FSTL5: variants seen among roughly 807,000 people sequenced by gnomAD.
FSTL5 encodes follistatin-related protein 5.
FSTL5 carries 62 observed loss-of-function variants against 89.1 expected under a neutral mutation model. The ratio of observed to expected loss-of-function variants is 0.70; its 90% confidence interval spans 0.57 to 0.86. The LOEUF (loss-of-function observed/expected upper bound fraction) is 0.86, where lower values mean the gene tolerates loss of function less well. Among genes scored for constraint, FSTL5 ranks in the 40% least tolerant of loss-of-function variants. The pLI, the probability that FSTL5 is intolerant of heterozygous loss-of-function variation, is 0.00. For missense variants in FSTL5, 1,057 were observed against 1,001.6 expected (o/e 1.06, Z -0.75); for synonymous variants, 383 against 346.2 (o/e 1.11, Z -1.18).
Position 161,696,679 on chromosome 4 carries a change from A to G in FSTL5, c.728-40185T>C, listed in dbSNP as rs1472028360. On this transcript the variant is annotated intron_variant, in intron 6 of 15. Transcript: ENST00000306100. Reference sequence around the variant, plus strand: ...AGGTCTTTCTCCTCCTTGGTTAGGTATATTCCTAAATACTTTATATTTTTT... The same window carrying G: ...AGGTCTTTCTCCTCCTTGGTTAGGTGTATTCCTAAATACTTTATATTTTTT... Among the ~76,000 whole-genome samples the G allele has an allele frequency of 3.3e-5, 5 of 152,042 alleles. No individual in the cohort carries two copies. In the East Asian group the frequency reaches 7.7e-4, roughly 24 times the overall value.
intron 3 of FSTL5, among the ~76,000 whole-genome samples, chr4:161,927,181 CATAA>C (rs1334972188): frequency 1.3e-5 from 2 of 151,578 alleles, no homozygotes; most frequent in African/African-American, 4.8e-5. Context: ...AATCAATTAA[CATAA>C]ATAAAAATAG....
Position 161,602,253 on chromosome 4 carries a change from AAGAGAGAGAGAGAG to A in FSTL5, c.895-14692_895-14679del, listed in dbSNP as rs58991875. On this transcript the variant is annotated intron_variant, in intron 7 of 15. Transcript: ENST00000306100. ...TGAGAGAGTGAGAGAGAGGGAGAGA[AAGAGAGAGAGAGAG>A]AGAGAGAGAGAGAGAGAGAGAGAGA... Among the ~76,000 whole-genome samples, 945 of 122,794 alleles carry A rather than the reference AAGAGAGAGAGAGAG, an allele frequency of 7.7e-3. 11 individuals carry two copies. Among genetic ancestry groups the A allele is most frequent in the African/African-American group, 0.027 (837 of 30,884 alleles). The allele number at this position is 122,794 out of a possible 152,430, so 80.6% of individuals were successfully genotyped here.
intron 15 of FSTL5, among the ~76,000 whole-genome samples, chr4:161,444,083 T>C (rs1732865896): frequency 1.3e-5 from 2 of 151,988 alleles, no homozygotes; most frequent in African/African-American, 4.8e-5. Flanking sequence ...ATTCTAGATA[T>C]AACATAGAAA....
At chr4:161,803,387 C>T (rs888484787) in intron 4 of FSTL5, among the ~76,000 whole-genome samples, 1 of 151,858 alleles carries the variant, frequency 6.6e-6, no homozygotes, top group African/African-American at 2.4e-5. Context: ...GCATAATTGT[C>T]AATTTTCAAA....
At chr4:162,011,183 G>A (rs913509752) in intron 3 of FSTL5, among the ~76,000 whole-genome samples, 1 of 152,074 alleles carries the variant, frequency 6.6e-6, no homozygotes, top group African/African-American at 2.4e-5. Context: ...TTTGGAGTTA[G>A]GGGAACACTC....
At chr4:161,575,580 A>G (rs1733181504) in intron 8 of FSTL5, among the ~76,000 whole-genome samples, 1 of 151,740 alleles carries the variant, frequency 6.6e-6, no homozygotes, top group Admixed American at 6.6e-5. Context: ...CAGCCTCCCT[A>G]GTAGCTGGGA....
At chr4:161,948,482 TTTC>T (rs1360691962) in intron 3 of FSTL5, among the ~76,000 whole-genome samples, 31 of 60,740 alleles carry the variant, frequency 5.1e-4, no homozygotes, top group African/African-American at 8.5e-4. Flanking sequence ...TTTTCTTTTC[TTTC>T]TTTTTTTTTT....
At chr4:161,822,502 A>T (rs915701748) in intron 4 of FSTL5, among the ~76,000 whole-genome samples, 2 of 152,320 alleles carry the variant, frequency 1.3e-5, no homozygotes, top group Non-Finnish European at 2.9e-5. Context: ...GTGAGGCTGC[A>T]GCTAGACCAA....
intron 10 of FSTL5, among the ~76,000 whole-genome samples, chr4:161,529,992 C>T (rs899927742): frequency 7.0e-6 from 1 of 143,184 alleles, no homozygotes; most frequent in African/African-American, 2.5e-5. Context: ...TATTACCTTC[C>T]TAGCCTCTGT....
chr4:161,976,200 G>GT (rs1426514847), intron 3 of FSTL5, among the ~76,000 whole-genome samples: 2 of 151,556 alleles, frequency 1.3e-5, no homozygotes, highest in Non-Finnish European at 2.9e-5. Context: ...ACTTAAGAGC[G>GT]TAAGCCTTCT....
intron 8 of FSTL5, among the ~76,000 whole-genome samples, chr4:161,572,368 A>T (rs1733049967): frequency 6.6e-6 from 1 of 151,198 alleles, no homozygotes; most frequent in African/African-American, 2.4e-5. Context: ...AGAAAGAGAA[A>T]GAAGAAGAAT....
intron 6 of FSTL5, among the ~76,000 whole-genome samples, chr4:161,739,699 T>C (rs1247627384): frequency 5.3e-5 from 8 of 152,050 alleles, no homozygotes; most frequent in Admixed American, 5.2e-4. Flanking sequence ...GTAAACACCT[T>C]AGTAAGATGT....
intron 3 of FSTL5, among the ~76,000 whole-genome samples, chr4:161,978,259 G>A (rs1735720285): frequency 6.6e-6 from 1 of 152,024 alleles, no homozygotes; most frequent in Non-Finnish European, 1.5e-5. Context: ...TGTGCTTTAT[G>A]TATCTTGTGA....
intron 7 of FSTL5, among the ~76,000 whole-genome samples, chr4:161,634,232 T>G (rs976943156): frequency 3.3e-5 from 5 of 152,180 alleles, no homozygotes; most frequent in African/African-American, 1.2e-4. Flanking sequence ...ACAGGAGAGA[T>G]AATAATACAA....
At chr4:161,531,358 C>A (rs1248381945) in intron 10 of FSTL5, among the ~76,000 whole-genome samples, 1 of 152,146 alleles carries the variant, frequency 6.6e-6, no homozygotes, top group Non-Finnish European at 1.5e-5. Flanking sequence ...CTACTATGAG[C>A]TCTCTATTAT....
chr4:161,604,435 T>C (rs1560975063), intron 7 of FSTL5, among the ~76,000 whole-genome samples: 1 of 151,978 alleles, frequency 6.6e-6, no homozygotes, highest in Non-Finnish European at 1.5e-5. Flanking sequence ...GTTGGAATAA[T>C]GGAAAGTTAT....
chr4:162,002,486 T>C (rs1364744602), intron 3 of FSTL5, among the ~76,000 whole-genome samples: 1 of 152,176 alleles, frequency 6.6e-6, no homozygotes, highest in Non-Finnish European at 1.5e-5. Flanking sequence ...TAGTTTTAGT[T>C]TAATTGTGGG....
At chr4:161,555,091 G>C (rs990417212) in intron 8 of FSTL5, among the ~76,000 whole-genome samples, 8 of 151,632 alleles carry the variant, frequency 5.3e-5, no homozygotes, top group African/African-American at 1.7e-4. Context: ...ACAAATGTTG[G>C]AGGCAAAATA....
intron 4 of FSTL5, among the ~76,000 whole-genome samples, chr4:161,905,026 T>C (rs1212885799): frequency 6.6e-6 from 1 of 152,046 alleles, no homozygotes; most frequent in East Asian, 1.9e-4. Context: ...GTTGGAGACA[T>C]TATGCTTTAA....
Sources: allele counts gnomAD v4.1 joint callset (sites outside exome capture counted in the v4.1 genomes callset), GRCh38; gene constraint gnomAD v4.1.1; transcripts MANE v1.5; gene names NCBI Gene and HGNC (gene_info 2026-07-23, HGNC 2026-07-21).